Variants in GRM3 observed in about 807,000 individuals in gnomAD.
GRM3 encodes the protein glutamate metabotropic receptor 3.
GRM3 carries 26 observed loss-of-function variants against 70.5 expected under a neutral mutation model. The ratio of observed to expected loss-of-function variants is 0.37; its 90% CI spans 0.27 to 0.51. The LOEUF (loss-of-function observed/expected upper bound fraction) is 0.51. Ranked by LOEUF, GRM3 falls within the 20% of genes least tolerant of loss-of-function variation. The pLI is 0.93. For synonymous variants in GRM3, 443 were observed against 434.9 expected (o/e 1.02, Z -0.23); for missense variants, 859 against 1,123.8 (o/e 0.76, Z 3.37).
chr7:86,787,408 T>C (rs1797283905), intron 3 of GRM3, among the ~76,000 whole-genome samples: 1 of 152,236 alleles, frequency 6.6e-6, no homozygotes, highest in Admixed American at 6.5e-5. Flanking sequence ...GAGCTCTTTG[T>C]TGATGTTGGC....
rs548210587 is a variant in GRM3, at chr7:86,644,644, G to A, written c.-369G>A. On this transcript the variant is annotated 5_prime_UTR_variant, in exon 1 of 6. Coordinates refer to ENST00000361669, the MANE Select transcript of GRM3 (RefSeq NM_000840.3). The stretch of plus-strand genomic sequence containing the variant: ...CCGGGCAGTGGTCCAGCGTGCAGCC[G>A]GGAGGGGGCAGGGGCAGGGGGCACT... 2 of 498,036 alleles carry A rather than the reference G, an allele frequency of 4.0e-6. No homozygotes were observed. Among genetic ancestry groups the A allele is most frequent in the East Asian group, 1.4e-4 (2 of 14,560 alleles). 30.9% of individuals were successfully genotyped at this position (498,036 alleles called of 1,614,324 possible).
chr7:86,841,348 A>AAAAATTTTGG (rs1407105514), intron 4 of GRM3, among the ~76,000 whole-genome samples: 1 of 152,140 alleles, frequency 6.6e-6, no homozygotes, highest in Non-Finnish European at 1.5e-5. Flanking sequence ...GACTACCTAT[A>AAAAATTTTGG]AAAATTTTGG....
chr7:86,672,609 T>TG (rs1794200672), intron 1 of GRM3, among the ~76,000 whole-genome samples: 1 of 152,098 alleles, frequency 6.6e-6, no homozygotes, highest in African/African-American at 2.4e-5. Context: ...TTTTTGTTTT[T>TG]TTTTTCAGGA....
At chr7:86,739,850 T>C (rs1306359582) in intron 1 of GRM3, among the ~76,000 whole-genome samples, 2 of 152,204 alleles carry the variant, frequency 1.3e-5, no homozygotes, top group Non-Finnish European at 2.9e-5. Context: ...AATTAAGCCC[T>C]TTCTACCAGT....
chr7:86,760,227 G>A (rs752103028), intron 1 of GRM3, among the ~76,000 whole-genome samples: 7 of 152,032 alleles, frequency 4.6e-5, no homozygotes, highest in Admixed American at 6.6e-5. Flanking sequence ...TTCCGACACC[G>A]AGTCCCTGAG....
intron 1 of GRM3, among the ~76,000 whole-genome samples, chr7:86,726,397 A>G (rs975260758): frequency 6.6e-6 from 1 of 152,188 alleles, no homozygotes; most frequent in African/African-American, 2.4e-5. Flanking sequence ...AAGCTCCCTG[A>G]TGGCAAGAGA....
chr7:86,804,738 T>C (rs2116635091), intron 3 of GRM3, among the ~76,000 whole-genome samples: 1 of 152,326 alleles, frequency 6.6e-6, no homozygotes, highest in East Asian at 1.9e-4. Flanking sequence ...TCCTTGCTTT[T>C]CATATGACAG....
chr7:86,690,782 A>C (rs1234957794), intron 1 of GRM3, among the ~76,000 whole-genome samples: 2 of 152,148 alleles, frequency 1.3e-5, no homozygotes, highest in Non-Finnish European at 2.9e-5. Flanking sequence ...TGTTAAATTT[A>C]AGAATGAGGA....
At chr7:86,646,944 A>G (rs1431027951) in intron 1 of GRM3, among the ~76,000 whole-genome samples, 1 of 152,222 alleles carries the variant, frequency 6.6e-6, no homozygotes, top group Non-Finnish European at 1.5e-5. Flanking sequence ...TTAACCCACA[A>G]CTACACATAT....
chr7:86,833,363 T>A (rs1361682376), intron 3 of GRM3, among the ~76,000 whole-genome samples: 1 of 151,884 alleles, frequency 6.6e-6, no homozygotes, highest in Admixed American at 6.6e-5. Context: ...AACCTGCACA[T>A]TGTGCACATG....
chr7:86,836,129 G>T (rs1230869487), intron 3 of GRM3, among the ~76,000 whole-genome samples: 1 of 152,168 alleles, frequency 6.6e-6, no homozygotes, highest in Non-Finnish European at 1.5e-5. Flanking sequence ...AGGTTAGTAA[G>T]ATTGTGGAGA....
chr7:86,715,418 C>T (rs1253950675), intron 1 of GRM3, among the ~76,000 whole-genome samples: 2 of 152,022 alleles, frequency 1.3e-5, no homozygotes, highest in East Asian at 3.9e-4. Flanking sequence ...CCTCTGTTTC[C>T]TTATTTGATA....
At position 86,839,667 on chromosome 7, in the gene GRM3, C is replaced by G. The variant is rs755319713; in HGVS notation, c.2153C>G (p.Thr718Ser). The G allele has an allele frequency of 1.9e-6, 3 of 1,613,752 alleles. No individual in the cohort carries two copies. The South Asian group carries it at 3.3e-5, about 18-fold the overall frequency. ...ILEAPGTRRYTLAEKRETVIL... is the reference protein window; with the variant it reads ...ILEAPGTRRYSLAEKRETVIL... Reference sequence around the variant, plus strand: ...GAGGCCCCAGGCACCAGGAGGTATACCCTTGCAGAGAAGCGGGAAACAGTC... The same window carrying G: ...GAGGCCCCAGGCACCAGGAGGTATAGCCTTGCAGAGAAGCGGGAAACAGTC... Residue 718 changes from threonine (T) to serine (S), a missense_variant, in exon 4 of 6, where the codon ACC becomes AGC. Physicochemically the swap from Thr to Ser is moderately conservative, Grantham distance 58 (BLOSUM62 1). Transcript: ENST00000361669. This position sits in a 1 kb window ranked among gnomAD's most constrained non-coding sequence, Gnocchi z 4.5.
intron 1 of GRM3, among the ~76,000 whole-genome samples, chr7:86,647,789 T>A (rs1562811925): frequency 6.6e-6 from 1 of 152,192 alleles, no homozygotes; most frequent in Non-Finnish European, 1.5e-5. Flanking sequence ...TATTAGCTCA[T>A]ACCCCTCCTT....
At chr7:86,736,185 A>C (rs1468200305) in intron 1 of GRM3, among the ~76,000 whole-genome samples, 1 of 152,036 alleles carries the variant, frequency 6.6e-6, no homozygotes, top group East Asian at 1.9e-4. Flanking sequence ...TAACGGATAC[A>C]TGGTGATTGT....
intron 1 of GRM3, among the ~76,000 whole-genome samples, chr7:86,646,016 T>TTAGGGG (rs1793462337): frequency 1.0e-4 from 1 of 9,898 alleles, no homozygotes; most frequent in African/African-American, 4.2e-4. Context: ...TGGGGGGGGG[T>TTAGGGG]GGGAGGGAGT....
intron 1 of GRM3, among the ~76,000 whole-genome samples, chr7:86,652,373 C>T (rs923125650): frequency 1.3e-5 from 2 of 152,070 alleles, no homozygotes; most frequent in Non-Finnish European, 2.9e-5. Flanking sequence ...CTCTGTTGCC[C>T]AGGCTGGAGT....
intron 1 of GRM3, among the ~76,000 whole-genome samples, chr7:86,746,371 AT>A (rs1446598958): frequency 2.1e-5 from 3 of 142,676 alleles, no homozygotes; most frequent in South Asian, 2.2e-4. Flanking sequence ...ATATATATAT[AT>A]ATAATCACTT....
chr7:86,710,150 C>T (rs775197024), intron 1 of GRM3: 34 of 152,058 alleles, frequency 2.2e-4, no homozygotes, highest in Non-Finnish European at 4.7e-4. Context: ...GCAAATGTAA[C>T]TTCTATTGTC....
Sources: gnomAD v4.1 joint callset for allele counts (sites outside exome capture counted in the v4.1 genomes callset) on GRCh38, gnomAD v4.1.1 for gene constraint, Gnocchi (gnomAD v3.1) non-coding constraint, MANE v1.5 for transcripts, NCBI Gene and HGNC (gene_info 2026-07-23, HGNC 2026-07-21) for gene names.